MRC2: variants seen among roughly 807,000 people sequenced by gnomAD.
MRC2 encodes the protein C-type mannose receptor 2.
Under a neutral mutation model 206.2 loss-of-function variants are expected in MRC2, and 84 were observed. The ratio of observed to expected loss-of-function variants is 0.41; its 90% CI spans 0.34 to 0.49. The LOEUF is 0.49. Among genes scored for constraint, MRC2 ranks in the 20% least tolerant of loss-of-function variants. The probability of loss-of-function intolerance (pLI) is 0.31; values close to 1 mark genes in which losing one functional copy is unlikely to be tolerated. For synonymous variants in MRC2, 798 were observed against 800.0 expected, an observed-to-expected ratio of 1.00 and a Z score of 0.04; for missense variants, 1,676 against 2,001.5, an observed-to-expected ratio of 0.84 and a Z score of 3.10.
intron 1 of MRC2, among the ~76,000 whole-genome samples, chr17:62,647,713 C>G (rs1176079270): frequency 6.6e-6 from 1 of 152,074 alleles, no homozygotes; most frequent in Non-Finnish European, 1.5e-5. Context: ...AAGTTAAATT[C>G]CTAGGAAATG....
chr17:62,636,365 A>C (rs991703103), intron 1 of MRC2, among the ~76,000 whole-genome samples: 1 of 151,838 alleles, frequency 6.6e-6, no homozygotes, highest in East Asian at 1.9e-4. Flanking sequence ...ACACACTAGC[A>C]CAGGCCACAG....
In MRC2 at chr17:62,675,700, C is replaced by T; in HGVS notation, c.1570-90C>T. 1 of 1,025,094 alleles carries T rather than the reference C, an allele frequency of 9.8e-7. No homozygotes were observed. Among genetic ancestry groups the T allele is most frequent in the Non-Finnish European group, 1.5e-6 (1 of 655,864 alleles). 63.5% of individuals were successfully genotyped at this position (1,025,094 alleles called of 1,614,324 possible). A position where few individuals can be genotyped will look rare whatever the true frequency, so the allele number is the denominator to read the frequency against. ...GTCCTGAGCACGTTCAGTGATGTCC[C>T]TGATGGCATCTCCCACCACAGGATT... On this transcript the variant is annotated intron_variant, in intron 9 of 29. Transcript: ENST00000303375. The surrounding 1 kb of genome is among the most constrained non-coding windows in gnomAD (Gnocchi z 4.1).
At chr17:62,637,376 A>G (rs1295583517) in intron 1 of MRC2, among the ~76,000 whole-genome samples, 2 of 151,930 alleles carry the variant, frequency 1.3e-5, no homozygotes. Context: ...TCTCTCCTGA[A>G]AATACAAAAA....
intron 1 of MRC2, among the ~76,000 whole-genome samples, chr17:62,643,125 C>T (rs1461487789): frequency 6.6e-6 from 1 of 151,938 alleles, no homozygotes; most frequent in African/African-American, 2.4e-5. Flanking sequence ...GTCAGGAGTT[C>T]GAGACCAGCC....
At position 62,680,829 on chromosome 17, in the gene MRC2, G is replaced by A. The variant is rs1277935327; in HGVS notation, c.2503G>A (p.Ala835Thr). 1.2e-6 allele frequency: 2 copies of A among 1,612,580 alleles called. No homozygotes were observed. The highest frequency in any genetic ancestry group is 2.2e-5 in the East Asian group (1 of 44,862). The change falls in exon 17 of 30, where the codon GCC (alanine) becomes ACC (threonine). Residue 835 changes from alanine (A) to threonine (T), a missense_variant. Ala to Thr is a moderately conservative substitution (Grantham distance 58, BLOSUM62 0). Around this residue, in one of 3 missense-constraint regions of MRC2, gnomAD observed 1,354 missense variants for 1,636.6 expected, o/e 0.83. Transcript: ENST00000303375. This position sits in a 1 kb window ranked among gnomAD's most constrained non-coding sequence, Gnocchi z 4.8. ...GRREWLRFQEAEYKFFEHHST... is the reference protein window; with the variant it reads ...GRREWLRFQETEYKFFEHHST... The stretch of plus-strand genomic sequence containing the variant: ...ACGGGAATGGCTGCGCTTCCAGGAG[G>A]CCGAGTACAAGTTCTTTGAGCACCA...
chr17:62,689,603 T>G lies in MRC2; in HGVS notation c.3416T>G (p.Leu1139Arg). 1 of 1,604,446 alleles carries G rather than the reference T, an allele frequency of 6.2e-7. No homozygotes were observed. The highest frequency in any genetic ancestry group is 8.5e-7 in the Non-Finnish European group (1 of 1,175,984). ...ELSYLNGTFR[L>R]LQKPLRWHDA... is the part of the protein sequence containing the mutation. ...TCCTACCTCAACGGCACCTTCCGGC[T>G]GCTTCAGAAGCCGCTGCGCTGGCAC... Residue 1139 changes from leucine to arginine, a missense_variant, in exon 24 of 30, where the codon CTG becomes CGG. Physicochemically the swap from Leu to Arg is moderately radical, Grantham distance 102. Transcript: ENST00000303375.
rs746528423 is a variant in MRC2, at chr17:62,690,325, C to T, written c.3892+20C>T. ...AGAGAGGTGGGTGACCAGGCCAGAG[C>T]CCACACATGGCGGGCAGGTGGCACC... On this transcript the variant is annotated intron_variant, in intron 26 of 29. Transcript: ENST00000303375. The T allele has an allele frequency of 3.1e-6, 5 of 1,592,132 alleles. No individual in the cohort carries two copies. Among genetic ancestry groups the T allele is most frequent in the South Asian group, 2.2e-5 (2 of 89,440 alleles).
intron 1 of MRC2, among the ~76,000 whole-genome samples, chr17:62,635,704 G>C (rs758309429): frequency 6.6e-6 from 1 of 152,116 alleles, no homozygotes. Flanking sequence ...ACTCCAGTGC[G>C]TTTGGAGGCC....
Position 62,664,887 on chromosome 17 carries a change from C to A in MRC2, c.458C>A (p.Thr153Asn), listed in dbSNP as rs2088729410. The A allele has an allele frequency of 5.6e-6, 9 of 1,613,398 alleles. No individual in the cohort carries two copies. Among genetic ancestry groups the A allele is most frequent in the Non-Finnish European group, 6.8e-6 (8 of 1,180,016 alleles). Reference sequence around the variant, plus strand: ...GGCACCCTTGAGCGTGGTGACCAGACCCGCAGTGGCCAGTGGCGCATCTAC... The same window carrying A: ...GGCACCCTTGAGCGTGGTGACCAGAACCGCAGTGGCCAGTGGCGCATCTAC... ...KPGTLERGDQ[T>N]RSGQWRIYGS... Residue 153 changes from threonine to asparagine, a missense_variant, in exon 2 of 30, where the codon ACC (threonine) becomes AAC (asparagine). Thr to Asn is a moderately conservative substitution (Grantham distance 65). Coordinates refer to ENST00000303375, the MANE Select transcript of MRC2 (RefSeq NM_006039.5). The surrounding 1 kb of genome is among the most constrained non-coding windows in gnomAD (Gnocchi z 4.7).
rs1397344107 is a variant in MRC2 at position 62,627,932 on chromosome 17, C to G, written c.118+12C>G. 1.4e-6 allele frequency: 2 copies of G among 1,412,184 alleles called. No individual in the cohort carries two copies. The highest frequency in any genetic ancestry group is 1.8e-6 in the Non-Finnish European group (2 of 1,090,714). The allele number at this position is 1,412,184 out of a possible 1,614,324, so 87.5% of individuals were successfully genotyped here. A position where few individuals can be genotyped will look rare whatever the true frequency, so the allele number is the denominator to read the frequency against. On this transcript the variant is annotated intron_variant, in intron 1 of 29. Coordinates refer to ENST00000303375, the MANE Select transcript of MRC2 (RefSeq NM_006039.5). ...CGCCGCCCTCCCGGGTAAGGCGCTG[C>G]CAACTTGGCCAACTTCAGGGCCCGG...
Position 62,656,129 on chromosome 17 carries a change from C to T in MRC2, c.119-8419C>T, listed in dbSNP as rs150422241. On this transcript the variant is annotated intron_variant, in intron 1 of 29. Transcript: ENST00000303375. Reference sequence around the variant, plus strand: ...TGGTGCAATCTCAGCTCACTGCAACCTCCGCCTCCTGGGTTCAAGCGATTC... The same window carrying T: ...TGGTGCAATCTCAGCTCACTGCAACTTCCGCCTCCTGGGTTCAAGCGATTC... 4.4e-3 allele frequency among the ~76,000 whole-genome samples: 667 copies of T among 152,254 alleles called. 8 individuals carry two copies. The highest frequency in any genetic ancestry group is 0.015 in the African/African-American group (630 of 41,534).
At chr17:62,643,044 A>G (rs189085738) in intron 1 of MRC2, among the ~76,000 whole-genome samples, 2 of 152,088 alleles carry the variant, frequency 1.3e-5, no homozygotes, top group East Asian at 1.9e-4. Context: ...AAACACCAAA[A>G]TAGCCAGGCG....
chr17:62,664,501 AC>A lies in MRC2; in HGVS notation c.119-45del. 6.4e-7 allele frequency: 1 copy of A among 1,563,026 alleles called. No individual in the cohort carries two copies. On this transcript the variant is annotated intron_variant, in intron 1 of 29. Transcript: ENST00000303375. The surrounding 1 kb of genome is among the most constrained non-coding windows in gnomAD (Gnocchi z 4.7). Reference sequence around the variant, plus strand: ...CAGCCACACCGGTCATCAAGGGCCAACCAGGAGAGCCCCTGTGATGCCTTCG... The same window carrying A: ...CAGCCACACCGGTCATCAAGGGCCAACAGGAGAGCCCCTGTGATGCCTTCG...
At position 62,666,816 on chromosome 17, in the gene MRC2, G is replaced by A. The variant is rs987552256; in HGVS notation, c.919G>A (p.Gly307Arg). The stretch of plus-strand genomic sequence containing the variant: ...CGGCTTGAATGACTTGGACACGAGC[G>A]GAGGCTGGCAGTGGTCGGACAACTC... ...WIGLNDLDTS[G>R]GWQWSDNSPL... Residue 307 changes from glycine to arginine, a missense_variant, in exon 5 of 30, where the codon GGA (glycine) becomes AGA (arginine). Physicochemically the swap from Gly to Arg is moderately radical, Grantham distance 125. This residue lies in a region of MRC2 where 1,354 missense variants were observed against 1,636.6 expected (regional missense o/e 0.83). Coordinates refer to ENST00000303375, the MANE Select transcript of MRC2 (RefSeq NM_006039.5). This position sits in a 1 kb window ranked among gnomAD's most constrained non-coding sequence, Gnocchi z 5.0. The A allele has an allele frequency of 6.2e-7, 1 of 1,613,756 alleles. No homozygotes were observed. The highest frequency in any genetic ancestry group is 1.7e-5 in the Admixed American group (1 of 60,006).
At chr17:62,650,859 G>A (rs547449245) in intron 1 of MRC2, among the ~76,000 whole-genome samples, 27 of 152,176 alleles carry the variant, frequency 1.8e-4, no homozygotes, top group South Asian at 6.2e-4. Flanking sequence ...TTTCATTGTC[G>A]GTATTGACGT....
At chr17:62,677,583 G>C in intron 12 of MRC2, 97 bp downstream of exon 12, 1 of 1,112,480 alleles carries the variant, frequency 9.0e-7, no homozygotes, top group Non-Finnish European at 1.3e-6. Context: ...ACAATCCAGA[G>C]ACACACCAGG....
Position 62,680,047 on chromosome 17 carries a change from G to C in MRC2, c.2299-123G>C, listed in dbSNP as rs2088942610. 1 of 1,527,602 alleles carries C rather than the reference G, an allele frequency of 6.5e-7. No homozygotes were observed. The highest frequency in any genetic ancestry group is 1.8e-5 in the Admixed American group (1 of 56,140). The allele number at this position is 1,527,602 out of a possible 1,614,324, so 94.6% of individuals were successfully genotyped here. A position where few individuals can be genotyped will look rare whatever the true frequency, so the allele number is the denominator to read the frequency against. ...GCTTCAGGAAAGCAGGTCCGAGAGG[G>C]GTCACCCGGCCCCCGGTGAGAATTC... is the stretch of plus-strand genomic sequence containing the variant. On this transcript the variant is annotated intron_variant, in intron 14 of 29. Coordinates refer to ENST00000303375, the MANE Select transcript of MRC2 (RefSeq NM_006039.5). The surrounding 1 kb of genome is among the most constrained non-coding windows in gnomAD (Gnocchi z 4.8).
chr17:62,690,074 C>T lies in MRC2; in HGVS notation c.3742+12C>T. On this transcript the variant is annotated intron_variant, in intron 25 of 29. Transcript: ENST00000303375. ...TGGGGTTAGCAGTGGTGAGTGCCCA[C>T]CTGCCAGGGCGGGGGCATGGGCAAG... 1 of 1,587,192 alleles carries T rather than the reference C, an allele frequency of 6.3e-7. No individual in the cohort carries two copies. The highest frequency in any genetic ancestry group is 2.2e-5 in the East Asian group (1 of 44,582).
At chr17:62,651,940 C>T (rs565956523) in intron 1 of MRC2, among the ~76,000 whole-genome samples, 2 of 152,290 alleles carry the variant, frequency 1.3e-5, no homozygotes, top group South Asian at 4.1e-4. Flanking sequence ...TTTTGCTACA[C>T]ATTTCTTTTG....
Sources: allele counts gnomAD v4.1 joint callset (sites outside exome capture counted in the v4.1 genomes callset), GRCh38; gene constraint gnomAD v4.1.1; regional missense constraint gnomAD v4.1.1; non-coding constraint Gnocchi (gnomAD v3.1); transcripts MANE v1.5; gene names NCBI Gene and HGNC (gene_info 2026-07-23, HGNC 2026-07-21).